RAB31: variants seen among roughly 807,000 people sequenced by gnomAD.
The protein encoded by RAB31 is RAB31, member RAS oncogene family.
A neutral mutation model predicts 25.6 loss-of-function variants in RAB31; 21 were observed. The observed-to-expected ratio is 0.82, with a 90% confidence interval of 0.58 to 1.18. RAB31 has a LOEUF of 1.18. Among genes scored for constraint, RAB31 ranks in the 50% most tolerant of loss-of-function variants. RAB31 has a pLI of 0.00. For synonymous variants in RAB31, 87 were observed against 84.0 expected (o/e 1.04, Z -0.20); for missense variants, 196 against 250.1 (o/e 0.78, Z 1.46).
chr18:9,791,543 A>G (rs896301807), intron 2 of RAB31, among the ~76,000 whole-genome samples: 2 of 150,530 alleles, frequency 1.3e-5, no homozygotes, highest in Non-Finnish European at 3.0e-5. Context: ...GACTACAGGC[A>G]CCCGCCACCA....
Position 9,708,523 on chromosome 18 carries a change from C to T in RAB31, c.39+79C>T. Reference sequence around the variant, plus strand: ...TTCGCTCCCCTATTCCCTGCGCGCTCAGTCCCCGTGATCCCCTCGCTCTCC... The same window carrying T: ...TTCGCTCCCCTATTCCCTGCGCGCTTAGTCCCCGTGATCCCCTCGCTCTCC... On this transcript the variant is annotated intron_variant, in intron 1 of 6. Transcript: ENST00000578921. This position sits in a 1 kb window ranked among gnomAD's most constrained non-coding sequence, Gnocchi z 6.4. The T allele has an allele frequency of 7.7e-7, 1 of 1,297,554 alleles. No individual in the cohort carries two copies. Among genetic ancestry groups the T allele is most frequent in the Non-Finnish European group, 1.0e-6 (1 of 960,246 alleles). 80.4% of individuals were successfully genotyped at this position (1,297,554 alleles called of 1,614,324 possible).
chr18:9,710,689 T>C (rs2068012022), intron 1 of RAB31, among the ~76,000 whole-genome samples: 1 of 151,890 alleles, frequency 6.6e-6, no homozygotes, highest in South Asian at 2.1e-4. Flanking sequence ...CCCGTCTCTA[T>C]TAAAAATACA....
At chr18:9,780,124 C>G (rs1037509280) in intron 2 of RAB31, among the ~76,000 whole-genome samples, 5 of 149,610 alleles carry the variant, frequency 3.3e-5, no homozygotes, top group Non-Finnish European at 7.4e-5. Context: ...TGCAGTGAGC[C>G]ATGATTGTGC....
intron 1 of RAB31, among the ~76,000 whole-genome samples, chr18:9,739,019 A>C (rs1254762253): frequency 1.3e-5 from 2 of 152,234 alleles, no homozygotes; most frequent in East Asian, 1.9e-4. Context: ...GTGTTGTGAG[A>C]GTAGACTAGG....
At chr18:9,735,148 G>GC (rs1456012171) in intron 1 of RAB31, among the ~76,000 whole-genome samples, 1 of 152,078 alleles carries the variant, frequency 6.6e-6, no homozygotes, top group East Asian at 1.9e-4. Flanking sequence ...CTCTCAAGTA[G>GC]CTGGGATTAT....
chr18:9,852,692 C>A (rs2068795160), intron 6 of RAB31, among the ~76,000 whole-genome samples: 1 of 151,764 alleles, frequency 6.6e-6, no homozygotes. Flanking sequence ...TGGGTGATAA[C>A]CAGTAAAGGT....
chr18:9,773,287 G>A (rs1428987126), intron 1 of RAB31, among the ~76,000 whole-genome samples: 1 of 152,160 alleles, frequency 6.6e-6, no homozygotes, highest in East Asian at 1.9e-4. Context: ...TCATATTTCA[G>A]TGTCTGAAGA....
At chr18:9,725,278 AT>A (rs1444794922) in intron 1 of RAB31, among the ~76,000 whole-genome samples, 1 of 152,228 alleles carries the variant, frequency 6.6e-6, no homozygotes, top group Non-Finnish European at 1.5e-5. Flanking sequence ...AGAGAGGAGA[AT>A]TAGACTCCAC....
chr18:9,809,100 T>C (rs1340703285), intron 3 of RAB31, among the ~76,000 whole-genome samples: 3 of 152,168 alleles, frequency 2.0e-5, no homozygotes, highest in African/African-American at 7.2e-5. Flanking sequence ...CAGTACAGGA[T>C]GGGAAAACAA....
At chr18:9,755,502 T>C (rs2068256242) in intron 1 of RAB31, among the ~76,000 whole-genome samples, 1 of 152,236 alleles carries the variant, frequency 6.6e-6, no homozygotes, top group Non-Finnish European at 1.5e-5. Flanking sequence ...TGAGGACTAA[T>C]GTCACGCTGT....
intron 1 of RAB31, among the ~76,000 whole-genome samples, chr18:9,756,379 T>C (rs1293993841): frequency 5.3e-5 from 8 of 152,212 alleles, no homozygotes; most frequent in Admixed American, 4.6e-4. Flanking sequence ...AATGTGGAAG[T>C]GTATTGACTG....
In RAB31 at chr18:9,858,784, A is replaced by G. The variant is rs567296078; in HGVS notation, c.491-444A>G. 2.0e-5 allele frequency among the ~76,000 whole-genome samples: 3 copies of G among 152,352 alleles called. No individual in the cohort carries two copies. In the South Asian group the frequency reaches 6.2e-4, roughly 32 times the overall value. On this transcript the variant is annotated intron_variant, in intron 6 of 6. Transcript: ENST00000578921. ...AAGATTACAATTCAAATCTATTTCTATTTTGAGAAGCAGAAAAGATGGATG... is the reference window on the plus strand; with the variant it reads ...AAGATTACAATTCAAATCTATTTCTGTTTTGAGAAGCAGAAAAGATGGATG...
At chr18:9,849,317 C>G (rs978016215) in intron 6 of RAB31, among the ~76,000 whole-genome samples, 26 of 152,114 alleles carry the variant, frequency 1.7e-4, no homozygotes, top group Admixed American at 1.7e-3. Flanking sequence ...TTGTATTACC[C>G]ATGAAGCTGA....
At chr18:9,850,852 C>T (rs1020840340) in intron 6 of RAB31, among the ~76,000 whole-genome samples, 14 of 149,348 alleles carry the variant, frequency 9.4e-5, no homozygotes, top group Admixed American at 6.8e-4. Flanking sequence ...GGCAACAGAA[C>T]GAGATCCTAT....
intron 2 of RAB31, among the ~76,000 whole-genome samples, chr18:9,778,918 A>G (rs1244785316): frequency 2.6e-5 from 4 of 152,246 alleles, no homozygotes; most frequent in African/African-American, 7.2e-5. Context: ...AAGCTAGATA[A>G]AAGAAAATAT....
chr18:9,715,053 T>C (rs894383068), intron 1 of RAB31, among the ~76,000 whole-genome samples: 1 of 151,836 alleles, frequency 6.6e-6, no homozygotes, highest in Non-Finnish European at 1.5e-5. Flanking sequence ...ATCTGGTCCC[T>C]GCCTGGGATG....
chr18:9,792,727 G>T (rs910492718), intron 3 of RAB31, among the ~76,000 whole-genome samples: 11 of 152,280 alleles, frequency 7.2e-5, no homozygotes, highest in African/African-American at 2.4e-4. Flanking sequence ...AACTTCAGGT[G>T]GTACCTTGTT....
At chr18:9,719,129 G>A (rs2068058527) in intron 1 of RAB31, among the ~76,000 whole-genome samples, 1 of 150,710 alleles carries the variant, frequency 6.6e-6, no homozygotes, top group Admixed American at 6.6e-5. Flanking sequence ...AATTAGCTGA[G>A]CGTGGTGGCG....
intron 6 of RAB31, among the ~76,000 whole-genome samples, chr18:9,857,019 A>G (rs191993976): frequency 1.3e-3 from 198 of 152,256 alleles, no homozygotes; most frequent in Non-Finnish European, 2.2e-3. Context: ...TGTCCAGAAA[A>G]GGAAAATTCA....
Sources: gnomAD v4.1 joint callset for allele counts (sites outside exome capture counted in the v4.1 genomes callset) on GRCh38, gnomAD v4.1.1 for gene constraint, Gnocchi (gnomAD v3.1) non-coding constraint, MANE v1.5 for transcripts, NCBI Gene and HGNC (gene_info 2026-07-23, HGNC 2026-07-21) for gene names.